The following PRLR variants were observed in gnomAD, a reference collection of about 807,000 sequenced individuals.
The protein encoded by PRLR is prolactin receptor, also known as hPRL receptor.
A neutral mutation model predicts 40.2 loss-of-function variants in PRLR; 13 were observed. That is an observed-to-expected ratio of 0.32 (90% CI 0.21 to 0.51). PRLR has a LOEUF of 0.51. PRLR is among the 20% of genes least tolerant of loss of function. The pLI is 0.97. For missense variants in PRLR, 656 were observed against 747.3 expected (o/e 0.88, Z 1.42); for synonymous variants, 269 against 278.7 (o/e 0.97, Z 0.35).
At chr5:35,148,296 T>A (rs1486432101) in intron 1 of PRLR, among the ~76,000 whole-genome samples, 1 of 152,168 alleles carries the variant, frequency 6.6e-6, no homozygotes, top group Non-Finnish European at 1.5e-5. Flanking sequence ...CCATTCAATT[T>A]GTGTTGAACT....
intron 1 of PRLR, among the ~76,000 whole-genome samples, chr5:35,149,961 C>T (rs952859219): frequency 3.9e-5 from 6 of 152,210 alleles, no homozygotes; most frequent in Admixed American, 2.6e-4. Flanking sequence ...TGGGCTCAAG[C>T]GATTCTCCTG....
intron 1 of PRLR, among the ~76,000 whole-genome samples, chr5:35,221,329 C>T (rs1410444597): frequency 1.3e-5 from 2 of 152,154 alleles, no homozygotes; most frequent in Non-Finnish European, 1.5e-5. Context: ...ATCTTTCAGT[C>T]TCATAATTAA....
chr5:35,106,657 A>G (rs1333636484), intron 2 of PRLR, among the ~76,000 whole-genome samples: 1 of 152,230 alleles, frequency 6.6e-6, no homozygotes, highest in East Asian at 1.9e-4. Flanking sequence ...TAAAGGGATC[A>G]ATTCAACAAG....
intron 1 of PRLR, among the ~76,000 whole-genome samples, chr5:35,222,005 C>A (rs554085043): frequency 1.3e-5 from 2 of 152,156 alleles, no homozygotes; most frequent in Non-Finnish European, 2.9e-5. Context: ...ATAAAGGATT[C>A]TTTAAAATGT....
At chr5:35,078,089 A>G (rs1175421611) in intron 5 of PRLR, among the ~76,000 whole-genome samples, 1 of 152,242 alleles carries the variant, frequency 6.6e-6, no homozygotes, top group African/African-American at 2.4e-5. Context: ...CTAAATGCCC[A>G]CAAGAGAAAG....
chr5:35,086,093 T>G, intron 4 of PRLR, 115 bp downstream of exon 4: 1 of 1,300,342 alleles, frequency 7.7e-7, no homozygotes, highest in South Asian at 1.4e-5. Context: ...CCCGGTGGTA[T>G]GAACCTTACT....
intron 1 of PRLR, among the ~76,000 whole-genome samples, chr5:35,196,814 A>G (rs1445389968): frequency 6.6e-6 from 1 of 152,234 alleles, no homozygotes; most frequent in Non-Finnish European, 1.5e-5. Context: ...TATAAACCAC[A>G]TAACTTAATT....
intron 1 of PRLR, among the ~76,000 whole-genome samples, chr5:35,152,034 C>A (rs1774357519): frequency 6.6e-6 from 1 of 152,124 alleles, no homozygotes; most frequent in Non-Finnish European, 1.5e-5. Context: ...CAGAAATTCA[C>A]AAAGGGTACA....
intron 5 of PRLR, chr5:35,081,777 A>AC (rs772746829): frequency 2.0e-3 from 264 of 129,656 alleles, no homozygotes; most frequent in Middle Eastern, 4.1e-3. Context: ...GGCAATACAC[A>AC]AACACACACA....
At position 35,065,224 on chromosome 5, in the gene PRLR, C is replaced by A; in HGVS notation, c.1734G>T (p.Glu578Asp). ...NVACFEESAKEAPPSLEQNQA... is the reference protein window; with the variant it reads ...NVACFEESAKDAPPSLEQNQA... ...GATTCTGTTCAAGTGATGGTGGGGC[C>A]TCTTTGGCTGATTCTTCAAAGCAAG... The change falls in exon 10 of 10, where the codon GAG becomes GAT. Residue 578 changes from glutamate to aspartate, a missense_variant. This residue lies in a region of PRLR where 469 missense variants were observed against 491.5 expected (regional missense o/e 0.95). Transcript: ENST00000618457. 1 of 1,614,144 alleles carries A rather than the reference C, an allele frequency of 6.2e-7. No homozygotes were observed. The highest frequency in any genetic ancestry group is 8.5e-7 in the Non-Finnish European group (1 of 1,180,020).
rs1378557497 is a variant in PRLR at position 35,144,953 on chromosome 5, A to G, written c.-105-26831T>C. Among the ~76,000 whole-genome samples, 5 of 152,160 alleles carry G rather than the reference A, an allele frequency of 3.3e-5. No homozygotes were observed. In the East Asian group the frequency reaches 7.7e-4, roughly 23 times the overall value. ...CTGGGAATAAAAAAGAGCAATGGGAACACTGTGTCTCTCAAATTACCATAT... is the reference window on the plus strand; with the variant it reads ...CTGGGAATAAAAAAGAGCAATGGGAGCACTGTGTCTCTCAAATTACCATAT... On this transcript the variant is annotated intron_variant, in intron 1 of 9. Coordinates refer to ENST00000618457, the MANE Select transcript of PRLR (RefSeq NM_000949.7).
chr5:35,128,934 C>A (rs990148987), intron 1 of PRLR, among the ~76,000 whole-genome samples: 1 of 152,142 alleles, frequency 6.6e-6, no homozygotes, highest in African/African-American at 2.4e-5. Context: ...CCTCCTTCCC[C>A]GTATTCCCTC....
chr5:35,093,004 C>T (rs924687397), intron 2 of PRLR, among the ~76,000 whole-genome samples: 1 of 152,292 alleles, frequency 6.6e-6, no homozygotes, highest in East Asian at 1.9e-4. Flanking sequence ...AGAAAAGTCC[C>T]TTCTCCCTTG....
At chr5:35,150,000 C>T (rs1774293894) in intron 1 of PRLR, among the ~76,000 whole-genome samples, 1 of 152,112 alleles carries the variant, frequency 6.6e-6, no homozygotes, top group Admixed American at 6.6e-5. Flanking sequence ...AGGCGTGAGC[C>T]AGTGCGCCTG....
At chr5:35,121,403 C>A (rs560963524) in intron 1 of PRLR, among the ~76,000 whole-genome samples, 1 of 152,158 alleles carries the variant, frequency 6.6e-6, no homozygotes, top group South Asian at 2.1e-4. Flanking sequence ...CATCCCACCC[C>A]CTCCTGAAAG....
intron 1 of PRLR, among the ~76,000 whole-genome samples, chr5:35,221,279 G>A (rs1296620222): frequency 9.9e-5 from 15 of 152,120 alleles, no homozygotes; most frequent in Non-Finnish European, 1.5e-5. Context: ...CATAGCAATT[G>A]GGAAATCTAA....
chr5:35,204,665 C>T (rs916187386), intron 1 of PRLR, among the ~76,000 whole-genome samples: 3 of 152,090 alleles, frequency 2.0e-5, no homozygotes, highest in Non-Finnish European at 2.9e-5. Context: ...ATTTTTTAAA[C>T]AACCTGGAAG....
At chr5:35,109,348 A>G (rs915756498) in intron 2 of PRLR, among the ~76,000 whole-genome samples, 6 of 152,214 alleles carry the variant, frequency 3.9e-5, no homozygotes, top group Non-Finnish European at 7.3e-5. Context: ...AACGGCAACA[A>G]AAGCCAAAAT....
intron 1 of PRLR, among the ~76,000 whole-genome samples, chr5:35,215,800 C>G (rs1319765546): frequency 1.4e-5 from 2 of 146,220 alleles, no homozygotes. Flanking sequence ...CTTTGGGAGG[C>G]TGAGGCAGGT....
Sources: gnomAD v4.1 joint callset for allele counts (sites outside exome capture counted in the v4.1 genomes callset) on GRCh38, gnomAD v4.1.1 for gene constraint, gnomAD v4.1.1 regional missense constraint, MANE v1.5 for transcripts, NCBI Gene and HGNC (gene_info 2026-07-23, HGNC 2026-07-21) for gene names.